Variants in COLEC12 observed in about 807,000 individuals in gnomAD.
COLEC12 encodes the protein collectin subfamily member 12.
COLEC12 carries 33 observed loss-of-function variants against 71.1 expected under a neutral mutation model. The observed-to-expected ratio is 0.46, with a 90% confidence interval of 0.35 to 0.62. The LOEUF is 0.62. Ranked by LOEUF, COLEC12 falls within the 20% of genes least tolerant of loss-of-function variation. COLEC12 has a pLI of 0.00. For synonymous variants in COLEC12, 350 were observed against 353.0 expected, an observed-to-expected ratio of 0.99 and a Z score of 0.10; for missense variants, 765 against 916.1, an observed-to-expected ratio of 0.84 and a Z score of 2.13.
Position 451,696 on chromosome 18 carries a change from G to A in COLEC12, c.58+29011C>T, listed in dbSNP as rs149640341. On this transcript the variant is annotated intron_variant, in intron 2 of 9. Coordinates refer to ENST00000400256, the MANE Select transcript of COLEC12 (RefSeq NM_130386.3). ...TGGGAGGCGGAGGTTGCAGTGAGTC[G>A]AGATCACGCCACTGCACTCCAGCCT... Among the ~76,000 whole-genome samples, 353 of 151,758 alleles carry A rather than the reference G, an allele frequency of 2.3e-3. 2 individuals are homozygous for A. Among genetic ancestry groups the A allele is most frequent in the African/African-American group, 7.7e-3 (318 of 41,390 alleles).
chr18:422,005 C>T (rs1425315008), intron 2 of COLEC12, among the ~76,000 whole-genome samples: 2 of 152,146 alleles, frequency 1.3e-5, no homozygotes, highest in Non-Finnish European at 2.9e-5. Flanking sequence ...CTGTCCCCTT[C>T]CCAGGACAGT....
chr18:418,100 G>T (rs556874352), intron 2 of COLEC12, among the ~76,000 whole-genome samples: 4 of 152,312 alleles, frequency 2.6e-5, no homozygotes, highest in African/African-American at 9.6e-5. Flanking sequence ...CAGTTCTACA[G>T]TTAGCCGTGT....
chr18:497,187 A>AT (rs1917727318), intron 1 of COLEC12, among the ~76,000 whole-genome samples: 1 of 152,172 alleles, frequency 6.6e-6, no homozygotes. Context: ...TGGCGCTGTG[A>AT]CTGACTGGCA....
chr18:365,714 A>G (rs1318347855), intron 2 of COLEC12, among the ~76,000 whole-genome samples: 1 of 152,218 alleles, frequency 6.6e-6, no homozygotes, highest in African/African-American at 2.4e-5. Flanking sequence ...TATCTGGAAT[A>G]CACTGGCAAA....
chr18:374,043 G>T (rs1227558070), intron 2 of COLEC12, among the ~76,000 whole-genome samples: 15 of 152,140 alleles, frequency 9.9e-5, no homozygotes. Flanking sequence ...AAGCCACTTG[G>T]CTCTTGTGCA....
At chr18:498,363 C>CTTTTTTTTTTTTTTTTTT (rs542727500) in intron 1 of COLEC12, among the ~76,000 whole-genome samples, 2 of 100,762 alleles carry the variant, frequency 2.0e-5, no homozygotes, top group African/African-American at 9.1e-5. Flanking sequence ...TATTTTTTTT[C>CTTTTTTTTTTTTTTTTTT]TTTTTTTTTT....
intron 2 of COLEC12, among the ~76,000 whole-genome samples, chr18:428,901 A>G (rs1259433092): frequency 6.6e-6 from 1 of 152,218 alleles, no homozygotes; most frequent in Non-Finnish European, 1.5e-5. Flanking sequence ...AGGAACACAA[A>G]CACCGTAAAG....
At chr18:499,836 C>G (rs1295353913) in intron 1 of COLEC12, among the ~76,000 whole-genome samples, 1 of 151,952 alleles carries the variant, frequency 6.6e-6, no homozygotes, top group Non-Finnish European at 1.5e-5. Context: ...CAGGGGGCGA[C>G]TAACCAGCTG....
In COLEC12 at chr18:480,818, G is replaced by A; in HGVS notation, c.8-61C>T. 7.1e-7 allele frequency: 1 copy of A among 1,409,234 alleles called. No homozygotes were observed. Among genetic ancestry groups the A allele is most frequent in the East Asian group, 2.3e-5 (1 of 43,902 alleles). The allele number at this position is 1,409,234 out of a possible 1,614,324, so 87.3% of individuals were successfully genotyped here. ...CAAGGGGCACAGAAGCAGAGGGTGG[G>A]GCAGGATGCGACCTGCTTCATCGCC... On this transcript the variant is annotated intron_variant, in intron 1 of 9. Coordinates refer to ENST00000400256, the MANE Select transcript of COLEC12 (RefSeq NM_130386.3). The surrounding 1 kb of genome is among the most constrained non-coding windows in gnomAD (Gnocchi z 4.1).
chr18:455,783 T>C (rs1256815636), intron 2 of COLEC12, among the ~76,000 whole-genome samples: 1 of 152,194 alleles, frequency 6.6e-6, no homozygotes, highest in East Asian at 1.9e-4. Context: ...TTGCTGAGAA[T>C]GATGGCTTCC....
At chr18:347,415 A>C (rs954436172) in intron 4 of COLEC12, 74 bp from the exon 5 acceptor site, 2 of 1,260,330 alleles carry the variant, frequency 1.6e-6, no homozygotes, top group South Asian at 2.7e-5. Context: ...GATCCCGAAC[A>C]CACTTAATCG....
intron 2 of COLEC12, among the ~76,000 whole-genome samples, chr18:425,917 C>G (rs1916190561): frequency 1.3e-5 from 2 of 152,204 alleles, no homozygotes. Flanking sequence ...AACATAATCA[C>G]ATCTCATCTT....
At chr18:353,216 C>T (rs1365451741) in intron 3 of COLEC12, among the ~76,000 whole-genome samples, 1 of 152,206 alleles carries the variant, frequency 6.6e-6, no homozygotes, top group Non-Finnish European at 1.5e-5. Context: ...GTTGATTCCA[C>T]TGCACACCAA....
Position 346,842 on chromosome 18 carries a change from C to A in COLEC12, c.780G>T (p.Glu260Asp). The A allele has an allele frequency of 6.2e-7, 1 of 1,614,200 alleles. No individual in the cohort carries two copies. The highest frequency in any genetic ancestry group is 8.5e-7 in the Non-Finnish European group (1 of 1,180,014). Residue 260 changes from glutamate to aspartate, a missense_variant, in exon 5 of 10, where the codon GAG (glutamate) becomes GAT (aspartate). Coordinates refer to ENST00000400256, the MANE Select transcript of COLEC12 (RefSeq NM_130386.3). The surrounding 1 kb of genome is among the most constrained non-coding windows in gnomAD (Gnocchi z 4.0). ...QAKKDTDWLK[E>D]KVQSLQTLAA... ...CCAGCGTCTGCAAGCTCTGCACTTT[C>A]TCCTTCAGCCAATCCGTGTCCTTCT...
intron 2 of COLEC12, among the ~76,000 whole-genome samples, chr18:406,416 G>A (rs999045945): frequency 6.6e-6 from 1 of 150,826 alleles, no homozygotes; most frequent in African/African-American, 2.4e-5. Flanking sequence ...GGCTGAGGCA[G>A]GAGAATGGCG....
At chr18:487,473 T>TC (rs1917541207) in intron 1 of COLEC12, among the ~76,000 whole-genome samples, 1 of 152,072 alleles carries the variant, frequency 6.6e-6, no homozygotes, top group African/African-American at 2.4e-5. Flanking sequence ...GTATAGTATG[T>TC]GAAAAAAAGA....
chr18:432,904 T>C (rs1916332733), intron 2 of COLEC12, among the ~76,000 whole-genome samples: 1 of 152,188 alleles, frequency 6.6e-6, no homozygotes, highest in South Asian at 2.1e-4. Context: ...TGCTGACAGT[T>C]TTATTAGGTT....
Position 437,266 on chromosome 18 carries a change from C to T in COLEC12, c.58+43441G>A, listed in dbSNP as rs572908809. Among the ~76,000 whole-genome samples, 16 of 152,268 alleles carry T rather than the reference C, an allele frequency of 1.1e-4. No individual in the cohort carries two copies. The South Asian group carries it at 2.3e-3, about 22-fold the overall frequency. On this transcript the variant is annotated intron_variant, in intron 2 of 9. Transcript: ENST00000400256. The stretch of plus-strand genomic sequence containing the variant: ...TTTATGGGCTATACAACATAAAGAC[C>T]GAGAAAGAACATCTGGGACGCTGGG...
intron 2 of COLEC12, among the ~76,000 whole-genome samples, chr18:416,335 C>T (rs1915985599): frequency 6.6e-6 from 1 of 152,076 alleles, no homozygotes; most frequent in Non-Finnish European, 1.5e-5. Context: ...CTGAAACACT[C>T]AACAGAACTG....
Sources: gnomAD v4.1 joint callset for allele counts (sites outside exome capture counted in the v4.1 genomes callset) on GRCh38, gnomAD v4.1.1 for gene constraint, Gnocchi (gnomAD v3.1) non-coding constraint, MANE v1.5 for transcripts, NCBI Gene and HGNC (gene_info 2026-07-23, HGNC 2026-07-21) for gene names.